ADAMTS9: variants seen among roughly 807,000 people sequenced by gnomAD.
ADAMTS9 encodes ADAM metallopeptidase with thrombospondin type 1 motif 9.
Under a neutral mutation model 257.1 loss-of-function variants are expected in ADAMTS9, and 107 were observed. The observed-to-expected ratio is 0.42, with a 90% CI of 0.36 to 0.49. ADAMTS9 has a LOEUF of 0.49. Among genes scored for constraint, ADAMTS9 ranks in the 20% least tolerant of loss-of-function variants. ADAMTS9 has a pLI of 0.03. For missense variants in ADAMTS9, 2,353 were observed against 2,469.1 expected, an observed-to-expected ratio of 0.95 and a Z score of 1.00; for synonymous variants, 982 against 880.9, an observed-to-expected ratio of 1.11 and a Z score of -2.03.
At chr3:64,655,388 G>A (rs1163267622) in intron 6 of ADAMTS9, among the ~76,000 whole-genome samples, 188 bp downstream of exon 6, 2 of 152,180 alleles carry the variant, frequency 1.3e-5, no homozygotes, top group African/African-American at 4.8e-5. Context: ...CTACTAATAC[G>A]TAGTGAGCAG....
Position 64,681,292 on chromosome 3 carries a change from ATCT to A in ADAMTS9, c.585_587del (p.Glu195del). ...TGTGGGGTTTGTTTTGTTCCTCTTC[ATCT>A]TCTTGTTCATCCATAGACTGTAGTG... On this transcript the variant is annotated inframe_deletion, in exon 3 of 40. Transcript: ENST00000498707. The A allele has an allele frequency of 1.2e-6, 2 of 1,614,054 alleles. No individual in the cohort carries two copies. Among genetic ancestry groups the A allele is most frequent in the South Asian group, 1.1e-5 (1 of 91,072 alleles).
intron 2 of ADAMTS9, among the ~76,000 whole-genome samples, chr3:64,683,288 T>G (rs1701805334): frequency 6.6e-6 from 1 of 152,168 alleles, no homozygotes; most frequent in Non-Finnish European, 1.5e-5. Flanking sequence ...AGGAAGTGAT[T>G]GGGCCCAAAT....
At chr3:64,579,709 C>G (rs754378538) in intron 28 of ADAMTS9, among the ~76,000 whole-genome samples, 1 of 152,130 alleles carries the variant, frequency 6.6e-6, no homozygotes. Flanking sequence ...AACCTAGAAC[C>G]ACTTATCTCA....
chr3:64,604,004 C>T lies in ADAMTS9; in HGVS notation c.3665G>A (p.Cys1222Tyr). The T allele has an allele frequency of 6.8e-6, 11 of 1,614,076 alleles. No homozygotes were observed. The highest frequency in any genetic ancestry group is 9.3e-6 in the Non-Finnish European group (11 of 1,180,014). Residue 1222 changes from cysteine to tyrosine, a missense_variant, in exon 25 of 40, where the codon TGT (cysteine) becomes TAT (tyrosine). Physicochemically the swap from Cys to Tyr is radical, Grantham distance 194. This residue lies in a region of ADAMTS9 where 1,402 missense variants were observed against 1,441.4 expected (regional missense o/e 0.97). Transcript: ENST00000498707. The part of the protein sequence containing the change: ...ENGSVADESA[C>Y]ATLPRPVAKE... ...TGCCACTGGTCTAGGCAGGGTAGCA[C>T]AGGCACTCTCGTCAGCCACAGAGCC...
chr3:64,677,412 G>A (rs1207865098), intron 3 of ADAMTS9, among the ~76,000 whole-genome samples: 5 of 152,172 alleles, frequency 3.3e-5, no homozygotes, highest in Admixed American at 3.3e-4. Context: ...AAACTTGCAA[G>A]AAAGAAAATA....
rs116011692 is a variant in ADAMTS9, at chr3:64,524,776, C to T, written c.5719-2516G>A. On this transcript the variant is annotated intron_variant, in intron 38 of 39. Coordinates refer to ENST00000498707, the MANE Select transcript of ADAMTS9 (RefSeq NM_182920.2). ...TGCCAACTCCTAGTCTAAAGACCTGCGCTCCATAGAGTCTGTCTTTGCCTC... is the reference window on the plus strand; with the variant it reads ...TGCCAACTCCTAGTCTAAAGACCTGTGCTCCATAGAGTCTGTCTTTGCCTC... Among the ~76,000 whole-genome samples, 289 of 152,344 alleles carry T rather than the reference C, an allele frequency of 1.9e-3. 1 individual carries two copies. The highest frequency in any genetic ancestry group is 5.7e-3 in the African/African-American group (237 of 41,580).
intron 39 of ADAMTS9, among the ~76,000 whole-genome samples, chr3:64,517,808 A>C (rs1046791319): frequency 2.6e-5 from 4 of 152,172 alleles, no homozygotes; most frequent in African/African-American, 9.7e-5. Flanking sequence ...GTACGTATAT[A>C]ATGGTGATCT....
Position 64,543,701 on chromosome 3 carries a change from T to C in ADAMTS9, c.5065-1731A>G, listed in dbSNP as rs141943083. Among the ~76,000 whole-genome samples the C allele has an allele frequency of 3.2e-3, 493 of 152,134 alleles. 1 individual carries two copies. The highest frequency in any genetic ancestry group is 6.8e-3 in the Middle Eastern group (2 of 294). ...AAACTGGAAGCATTCCCTTTGAAAA[T>C]TGGCACAAGACAGGGATGCCCCCTC... On this transcript the variant is annotated intron_variant, in intron 32 of 39. Transcript: ENST00000498707.
At chr3:64,685,263 G>A (rs1319754483) in intron 2 of ADAMTS9, 1 of 152,366 alleles carries the variant, frequency 6.6e-6, no homozygotes, top group African/African-American at 2.4e-5. Context: ...TTGAAAGGCA[G>A]AGAAGGAAGG....
chr3:64,656,853 G>C lies in ADAMTS9; in HGVS notation c.970-978C>G, dbSNP rs544216986. Among the ~76,000 whole-genome samples the C allele has an allele frequency of 2.2e-3, 332 of 152,046 alleles. 1 individual carries two copies. The highest frequency in any genetic ancestry group is 6.8e-3 in the Middle Eastern group (2 of 294). On this transcript the variant is annotated intron_variant, in intron 4 of 39. Coordinates refer to ENST00000498707, the MANE Select transcript of ADAMTS9 (RefSeq NM_182920.2). Reference sequence around the variant, plus strand: ...GCAAGGAGTACCATAGGCCACAAGGGGGGAAGAAGAAACCCTAAAGCTATG... The same window carrying C: ...GCAAGGAGTACCATAGGCCACAAGGCGGGAAGAAGAAACCCTAAAGCTATG...
In ADAMTS9 at chr3:64,604,026, A is replaced by C; in HGVS notation, c.3643T>G (p.Ser1215Ala). ...GCACAGGCACTCTCGTCAGCCACAG[A>C]GCCATTCTCATCTCGGCAGCTGACG... ...RYVSCRDENG[S>A]VADESACATL... Residue 1215 changes from serine (S) to alanine (A), a missense_variant, in exon 25 of 40, where the codon TCT becomes GCT. Coordinates refer to ENST00000498707, the MANE Select transcript of ADAMTS9 (RefSeq NM_182920.2). 2 of 1,614,030 alleles carry C rather than the reference A, an allele frequency of 1.2e-6. No individual in the cohort carries two copies. Among genetic ancestry groups the C allele is most frequent in the South Asian group, 2.2e-5 (2 of 91,078 alleles).
At chr3:64,618,679 G>A (rs1700026953) in intron 19 of ADAMTS9, among the ~76,000 whole-genome samples, 1 of 152,046 alleles carries the variant, frequency 6.6e-6, no homozygotes, top group Non-Finnish European at 1.5e-5. Flanking sequence ...CACACATATG[G>A]CAGACATTCA....
At position 64,516,110 on chromosome 3, in the gene ADAMTS9, T is replaced by C. The variant is rs1239875429; in HGVS notation, c.*1017A>G. On this transcript the variant is annotated 3_prime_UTR_variant, in exon 40 of 40. Coordinates refer to ENST00000498707, the MANE Select transcript of ADAMTS9 (RefSeq NM_182920.2). ...GCCGATGTTTTCATGCAAAAGGCAA[T>C]CGTGATGATTCAGAACCTGGTTCTG... The C allele has an allele frequency of 1.3e-5, 2 of 152,120 alleles. No individual in the cohort carries two copies. Among genetic ancestry groups the C allele is most frequent in the Admixed American group, 6.6e-5 (1 of 15,262 alleles). 9.4% of individuals were successfully genotyped at this position (152,120 alleles called of 1,614,324 possible). A position where few individuals can be genotyped will look rare whatever the true frequency, so the allele number is the denominator to read the frequency against.
intron 38 of ADAMTS9, among the ~76,000 whole-genome samples, chr3:64,529,359 CT>C (rs1415644253): frequency 2.0e-5 from 3 of 152,054 alleles, no homozygotes; most frequent in Non-Finnish European, 4.4e-5. Context: ...TACAGCTTTC[CT>C]TTAGTTTTGC....
chr3:64,527,229 T>C (rs889303326), intron 38 of ADAMTS9, among the ~76,000 whole-genome samples: 1 of 152,248 alleles, frequency 6.6e-6, no homozygotes, highest in African/African-American at 2.4e-5. Flanking sequence ...AAATCTCTTT[T>C]CGATGATTAT....
In ADAMTS9 at chr3:64,568,380, G is replaced by T. The variant is rs1284916810; in HGVS notation, c.4512C>A (p.Gly1504=). The T allele has an allele frequency of 1.2e-6, 2 of 1,609,562 alleles. No individual in the cohort carries two copies. Among genetic ancestry groups the T allele is most frequent in the South Asian group, 1.1e-5 (1 of 90,258 alleles). ...AAGCATTGCTCACCTGACTCCAAGC[G>T]CCAGCTTTCCATTTGGGGCATCTTC... The part of the protein sequence containing the change: ...RGGRCPKWKA[G]AWSQCSVSCG... Residue 1504 remains glycine, a synonymous_variant, in exon 29 of 40, where the codon GGC becomes GGA. Coordinates refer to ENST00000498707, the MANE Select transcript of ADAMTS9 (RefSeq NM_182920.2).
intron 12 of ADAMTS9, 131 bp downstream of exon 12, chr3:64,641,717 G>T: frequency 8.3e-7 from 1 of 1,204,508 alleles, no homozygotes; most frequent in Non-Finnish European, 1.2e-6. Context: ...GTGGGTCTAA[G>T]CAGCCCTTGA....
rs780311454 is a variant in ADAMTS9, at chr3:64,658,762, T to C, written c.709A>G (p.Lys237Glu). 3 of 1,614,120 alleles carry C rather than the reference T, an allele frequency of 1.9e-6. No individual in the cohort carries two copies. In the Admixed American group the frequency reaches 5.0e-5, roughly 27 times the overall value. ...EHKNRHSKDK[K>E]KTRARKWGER... ...CCCCATTTTCTTGCTCTGGTTTTCTTCTTGTCTTTACTGTGCCTATTTTTG... is the reference window on the plus strand; with the variant it reads ...CCCCATTTTCTTGCTCTGGTTTTCTCCTTGTCTTTACTGTGCCTATTTTTG... The change falls in exon 4 of 40, where the codon AAG (lysine) becomes GAG (glutamate). Residue 237 changes from lysine to glutamate, a missense_variant. Around this residue, in one of 3 missense-constraint regions of ADAMTS9, gnomAD observed 591 missense variants for 569.6 expected, o/e 1.04. Coordinates refer to ENST00000498707, the MANE Select transcript of ADAMTS9 (RefSeq NM_182920.2).
intron 19 of ADAMTS9, among the ~76,000 whole-genome samples, chr3:64,619,676 C>T (rs1045720130): frequency 2.0e-5 from 3 of 151,994 alleles, no homozygotes; most frequent in Admixed American, 2.0e-4. Context: ...TAATATATAA[C>T]TGTTAGAAAA....
Sources: gnomAD v4.1 joint callset for allele counts (sites outside exome capture counted in the v4.1 genomes callset) on GRCh38, gnomAD v4.1.1 for gene constraint, gnomAD v4.1.1 regional missense constraint, MANE v1.5 for transcripts, NCBI Gene and HGNC (gene_info 2026-07-23, HGNC 2026-07-21) for gene names.